ARFGEF2: variants seen among roughly 807,000 people sequenced by gnomAD.
The protein encoded by ARFGEF2 is brefeldin A-inhibited guanine nucleotide-exchange protein 2.
A neutral mutation model predicts 219.9 loss-of-function variants in ARFGEF2; 74 were observed. That is an observed-to-expected ratio of 0.34 (90% CI 0.28 to 0.41). ARFGEF2 has a LOEUF of 0.41. ARFGEF2 is among the 10% of genes least tolerant of loss of function. The probability of loss-of-function intolerance (pLI) is 1.00; values close to 1 mark genes in which losing one functional copy is unlikely to be tolerated. For missense variants in ARFGEF2, 1,743 were observed against 2,218.3 expected, an observed-to-expected ratio of 0.79 and a Z score of 4.30; for synonymous variants, 733 against 799.2, an observed-to-expected ratio of 0.92 and a Z score of 1.40.
intron 17 of ARFGEF2, 44 bp from the exon 18 acceptor site, chr20:48,988,447 A>C: frequency 6.2e-7 from 1 of 1,610,506 alleles, no homozygotes; most frequent in Non-Finnish European, 8.5e-7. Context: ...TTACTTGGGC[A>C]ATTGGATGTT....
chr20:48,946,021 A>G (rs1204656450), intron 3 of ARFGEF2, among the ~76,000 whole-genome samples: 1 of 152,184 alleles, frequency 6.6e-6, no homozygotes, highest in Non-Finnish European at 1.5e-5. Context: ...TCCCTGGGCT[A>G]CTGAATGGAA....
At position 49,010,170 on chromosome 20, in the gene ARFGEF2, T is replaced by C. The variant is rs965808039; in HGVS notation, c.3585-62T>C. 8.3e-6 allele frequency: 13 copies of C among 1,570,580 alleles called. No homozygotes were observed. In the African/African-American group the frequency reaches 1.2e-4, roughly 15 times the overall value. ...AGTGCTGCTTCTAAGGGATGAGCTA[T>C]GTTCATTTCTCTTCCCATTCTCCAA... On this transcript the variant is annotated intron_variant, in intron 26 of 38. Transcript: ENST00000371917.
intron 6 of ARFGEF2, 125 bp downstream of exon 6, chr20:48,953,915 C>T: frequency 1.0e-6 from 1 of 1,002,178 alleles, no homozygotes; most frequent in Non-Finnish European, 1.5e-6. Context: ...TCTTTCTGGG[C>T]CTTTCCCTTT....
In ARFGEF2 at chr20:48,952,804, A is replaced by T; in HGVS notation, c.523A>T (p.Asn175Tyr). 2 of 1,614,212 alleles carry T rather than the reference A, an allele frequency of 1.2e-6. No homozygotes were observed. Among genetic ancestry groups the T allele is most frequent in the Non-Finnish European group, 1.7e-6 (2 of 1,180,034 alleles). Residue 175 changes from asparagine to tyrosine, a missense_variant, in exon 5 of 39, where the codon AAT (asparagine) becomes TAT (tyrosine). This residue lies in a region of ARFGEF2 where 394 missense variants were observed against 426.6 expected (regional missense o/e 0.92). Transcript: ENST00000371917. ...TTACAATATCTATTTGGCCAGCAAAAATCTCATCAATCAAACCACTGCCAA... is the reference window on the plus strand; with the variant it reads ...TTACAATATCTATTTGGCCAGCAAATATCTCATCAATCAAACCACTGCCAA... ...TCYNIYLASK[N>Y]LINQTTAKAT...
At chr20:48,934,961 A>G (rs1042041353) in intron 1 of ARFGEF2, among the ~76,000 whole-genome samples, 2 of 151,732 alleles carry the variant, frequency 1.3e-5, no homozygotes, top group African/African-American at 4.8e-5. Context: ...ACTAATTTAC[A>G]CTCCCACCAA....
At chr20:48,974,118 A>ATTTTTTTTTTTTTTTTTTTTTTTTT (rs57941437) in intron 12 of ARFGEF2, among the ~76,000 whole-genome samples, 2 of 70,066 alleles carry the variant, frequency 2.9e-5, no homozygotes, top group Non-Finnish European at 5.0e-5. Context: ...TTGAGTGTGA[A>ATTTTTTTTTTTTTTTTTTTTTTTTT]TTTTTTTTTT....
chr20:48,952,635 A>G (rs2091078248), intron 4 of ARFGEF2, 70 bp from the exon 5 acceptor site: 6 of 1,470,664 alleles, frequency 4.1e-6, no homozygotes, highest in Non-Finnish European at 5.7e-6. Flanking sequence ...CCTCTAGAAA[A>G]GTGTGGCCAT....
chr20:48,962,343 G>C (rs959351040), intron 6 of ARFGEF2, among the ~76,000 whole-genome samples: 3 of 152,158 alleles, frequency 2.0e-5, no homozygotes, highest in Admixed American at 6.5e-5. Flanking sequence ...AATAAGTTGT[G>C]CTGTGACATA....
chr20:49,026,182 G>A (rs1044851581), intron 36 of ARFGEF2, among the ~76,000 whole-genome samples: 9 of 151,956 alleles, frequency 5.9e-5, no homozygotes, highest in South Asian at 2.1e-4. Context: ...CCAAAAAAAA[G>A]TATATGAAAA....
chr20:48,952,827 C>T lies in ARFGEF2; in HGVS notation c.546C>T (p.Ala182=), dbSNP rs1056983754. 3.1e-6 allele frequency: 5 copies of T among 1,614,138 alleles called. No homozygotes were observed. The highest frequency in any genetic ancestry group is 4.2e-6 in the Non-Finnish European group (5 of 1,180,050). ...AAAATCTCATCAATCAAACCACTGC[C>T]AAGGCTACCCTTACTCAGATGCTGA... ...ASKNLINQTT[A]KATLTQMLNV... is the part of the protein sequence containing the mutation. The change falls in exon 5 of 39, where the codon GCC becomes GCT. Residue 182 remains alanine (A), a synonymous_variant. Coordinates refer to ENST00000371917, the MANE Select transcript of ARFGEF2 (RefSeq NM_006420.3).
chr20:48,938,982 T>TG (rs2090977642), intron 1 of ARFGEF2, among the ~76,000 whole-genome samples: 3 of 148,550 alleles, frequency 2.0e-5, no homozygotes, highest in East Asian at 3.9e-4. Flanking sequence ...TTTTGTTTGT[T>TG]TTTTTTTTTT....
At chr20:49,000,266 C>T (rs577232984) in intron 25 of ARFGEF2, among the ~76,000 whole-genome samples, 2 of 152,356 alleles carry the variant, frequency 1.3e-5, no homozygotes, top group South Asian at 4.1e-4. Flanking sequence ...CCTCACAGCA[C>T]ACTGTCTGTT....
At chr20:49,022,442 C>A (rs3092359) in intron 34 of ARFGEF2, among the ~76,000 whole-genome samples, 59,660 of 117,968 alleles carry the variant, frequency 0.51, 12,295 homozygotes, top group East Asian at 0.63. Flanking sequence ...AAAAAAAAAA[C>A]CCACAAGCTT....
intron 3 of ARFGEF2, among the ~76,000 whole-genome samples, chr20:48,950,814 ATATAT>A (rs1568699398): frequency 0.14 from 7,106 of 50,206 alleles, 552 homozygotes; most frequent in Non-Finnish European, 0.17. Context: ...AAAAAAAAAT[ATATAT>A]ATATATATAT....
rs571231961 is a variant in ARFGEF2, at chr20:48,963,841, G to A, written c.850G>A (p.Gly284Arg). 1.8e-5 allele frequency: 29 copies of A among 1,613,876 alleles called. No homozygotes were observed. The highest frequency in any genetic ancestry group is 3.3e-5 in the Admixed American group (2 of 59,994). ...RGSSLSGTDD[G>R]AQEVVKDILE... ...GGATGTGTGTGTAGGGACTGATGACGGAGCCCAGGAGGTGGTGAAGGACAT... is the reference window on the plus strand; with the variant it reads ...GGATGTGTGTGTAGGGACTGATGACAGAGCCCAGGAGGTGGTGAAGGACAT... The change falls in exon 7 of 39, where the codon GGA becomes AGA. Residue 284 changes from glycine to arginine, a missense_variant. Physicochemically the swap from Gly to Arg is moderately radical, Grantham distance 125. Coordinates refer to ENST00000371917, the MANE Select transcript of ARFGEF2 (RefSeq NM_006420.3).
At chr20:48,978,904 T>G (rs2091278611) in intron 14 of ARFGEF2, among the ~76,000 whole-genome samples, 1 of 152,186 alleles carries the variant, frequency 6.6e-6, no homozygotes, top group Admixed American at 6.5e-5. Flanking sequence ...AAACATACAA[T>G]CATGTCATCT....
chr20:48,936,309 C>A (rs1170160049), intron 1 of ARFGEF2, among the ~76,000 whole-genome samples: 1 of 147,248 alleles, frequency 6.8e-6, no homozygotes, highest in Non-Finnish European at 1.5e-5. Flanking sequence ...TGACCCCCCC[C>A]ACCTCCCTCC....
At chr20:48,958,299 T>TG (rs1349820074) in intron 6 of ARFGEF2, among the ~76,000 whole-genome samples, 1 of 152,212 alleles carries the variant, frequency 6.6e-6, no homozygotes, top group Non-Finnish European at 1.5e-5. Flanking sequence ...AACTGAGGCT[T>TG]GGGGAGGTTA....
chr20:48,923,000 T>C (rs1475083420), intron 1 of ARFGEF2, among the ~76,000 whole-genome samples: 1 of 152,228 alleles, frequency 6.6e-6, no homozygotes, highest in Non-Finnish European at 1.5e-5. Context: ...TAAAGAGGGC[T>C]TGAGGACTGC....
Sources: gnomAD v4.1 joint callset for allele counts (sites outside exome capture counted in the v4.1 genomes callset) on GRCh38, gnomAD v4.1.1 for gene constraint, gnomAD v4.1.1 regional missense constraint, MANE v1.5 for transcripts, NCBI Gene and HGNC (gene_info 2026-07-23, HGNC 2026-07-21) for gene names.